Variants in MORN1 observed in about 807,000 individuals in gnomAD.
MORN1 encodes the protein MORN repeat containing 1.
In MORN1, 67 loss-of-function variants were observed where a neutral mutation model predicts 61.9. The observed-to-expected ratio is 1.08, with a 90% confidence interval of 0.89 to 1.33. MORN1 has a LOEUF of 1.33. Among genes scored for constraint, MORN1 ranks in the 40% most tolerant of loss-of-function variants. The pLI is 0.00. For synonymous variants in MORN1, 301 were observed against 292.0 expected (o/e 1.03, Z -0.31); for missense variants, 752 against 691.2 (o/e 1.09, Z -0.99).
chr1:2,336,344 A>T, intron 12 of MORN1, 125 bp downstream of exon 12: 1 of 921,512 alleles, frequency 1.1e-6, no homozygotes, highest in Non-Finnish European at 1.6e-6. Flanking sequence ...AGGCCCGTGT[A>T]GGCTCACTGT....
intron 2 of MORN1, 127 bp from the exon 3 acceptor site, chr1:2,388,464 C>T (rs1181903473): frequency 2.8e-6 from 2 of 716,304 alleles, no homozygotes; most frequent in East Asian, 2.5e-5. Flanking sequence ...GGCTCCATCA[C>T]TCATGCTATA....
chr1:2,324,216 C>G (rs1261987422), intron 12 of MORN1, 73 bp from the exon 13 acceptor site: 1 of 1,479,376 alleles, frequency 6.8e-7, no homozygotes, highest in African/African-American at 1.4e-5. Flanking sequence ...CTGACCTGAA[C>G]CAGGGCTAGT....
rs1431733870 is a variant in MORN1 at position 2,388,250 on chromosome 1, C to G, written c.236G>C (p.Trp79Ser). ...CAGCTAGAGCTCACCTGACCAGGCCCAGTGCCGGCGGCCTTCTCCCGTGAT... is the reference window on the plus strand; with the variant it reads ...CAGCTAGAGCTCACCTGACCAGGCCGAGTGCCGGCGGCCTTCTCCCGTGAT... ...GEITGEGRRH[W>S]AWSGDTFSGQ... The change falls in exon 3 of 14, where the codon TGG becomes TCG. Residue 79 changes from tryptophan to serine, a missense_variant. Coordinates refer to ENST00000378531, the MANE Select transcript of MORN1 (RefSeq NM_024848.3). The G allele has an allele frequency of 3.7e-6, 6 of 1,613,696 alleles. No homozygotes were observed. Among genetic ancestry groups the G allele is most frequent in the Non-Finnish European group, 5.1e-6 (6 of 1,179,840 alleles).
intron 7 of MORN1, among the ~76,000 whole-genome samples, chr1:2,373,295 G>A (rs112908384): frequency 6.6e-5 from 10 of 152,222 alleles, no homozygotes; most frequent in Admixed American, 2.6e-4. Context: ...CGGGTGCCCC[G>A]GACTTCATGG....
At chr1:2,332,849 G>A in intron 12 of MORN1, 1 of 400,430 alleles carries the variant, frequency 2.5e-6, no homozygotes, top group South Asian at 1.8e-5. Context: ...GGTCTCAGAG[G>A]GGCCCCCAGG....
chr1:2,380,121 G>A (rs576090329), intron 6 of MORN1, among the ~76,000 whole-genome samples: 86 of 152,298 alleles, frequency 5.6e-4, no homozygotes, highest in African/African-American at 1.6e-3. Context: ...ACACCGCGCC[G>A]GGTGAAACAA....
chr1:2,388,775 C>CAAAAAAAAAAAAAA (rs57362688), intron 2 of MORN1, among the ~76,000 whole-genome samples: 1 of 64,570 alleles, frequency 1.5e-5, no homozygotes, highest in African/African-American at 7.8e-5. Flanking sequence ...AAGACTGTCT[C>CAAAAAAAAAAAAAA]AAAAAAAAAA....
chr1:2,324,981 C>G (rs139194286), intron 12 of MORN1, among the ~76,000 whole-genome samples: 1 of 130,476 alleles, frequency 7.7e-6, no homozygotes, highest in Admixed American at 7.5e-5. Context: ...AAGCTGGGCC[C>G]GGCAGGTGCC....
chr1:2,339,059 C>G (rs1325237575), intron 10 of MORN1, among the ~76,000 whole-genome samples: 1 of 152,214 alleles, frequency 6.6e-6, no homozygotes, highest in Non-Finnish European at 1.5e-5. Flanking sequence ...GAGGTGCAGG[C>G]AGAAGCTCTC....
At position 2,325,802 on chromosome 1, in the gene MORN1, T is replaced by G. The variant is rs116449871; in HGVS notation, c.1251-1659A>C. On this transcript the variant is annotated intron_variant, in intron 12 of 13. Transcript: ENST00000378531. ...ATGCTCAGCTACTTTTTAAATTTTT[T>G]TGTGTGGGGATGGGGTCTCACTATG... 6.8e-3 allele frequency among the ~76,000 whole-genome samples: 1,003 copies of G among 148,204 alleles called. 14 individuals are homozygous for G. The highest frequency in any genetic ancestry group is 0.023 in the African/African-American group (923 of 39,888).
intron 6 of MORN1, chr1:2,376,152 AG>A (rs1642229092): frequency 6.5e-6 from 1 of 152,868 alleles, no homozygotes. Flanking sequence ...GCATCCACAG[AG>A]CACCTCCCCT....
At chr1:2,386,145 C>T in intron 4 of MORN1, 1 of 516,600 alleles carries the variant, frequency 1.9e-6, no homozygotes, top group Non-Finnish European at 3.5e-6. Context: ...GCTGACAGGG[C>T]AGCAAAAATG....
intron 10 of MORN1, among the ~76,000 whole-genome samples, chr1:2,356,554 C>T (rs1033783088): frequency 2.0e-5 from 3 of 152,198 alleles, no homozygotes; most frequent in Non-Finnish European, 4.4e-5. Context: ...GGCCCCCAAA[C>T]TCAAAGTGCC....
At chr1:2,367,909 G>A (rs1043319380) in intron 8 of MORN1, among the ~76,000 whole-genome samples, 6 of 152,128 alleles carry the variant, frequency 3.9e-5, no homozygotes, top group Non-Finnish European at 5.9e-5. Context: ...GATTACAGGC[G>A]TGAGCCACCG....
rs1553211058 is a variant in MORN1 at position 2,342,867 on chromosome 1, A to ATTTATTTTAT, written c.1037-6027_1037-6018dup. On this transcript the variant is annotated intron_variant, in intron 10 of 13. Coordinates refer to ENST00000378531, the MANE Select transcript of MORN1 (RefSeq NM_024848.3). Reference sequence around the variant, plus strand: ...ATTTTATTTTATTTTATTTTATTTTATTTATTTTATTTTATTTTATTTTAT... The same window carrying ATTTATTTTAT: ...ATTTTATTTTATTTTATTTTATTTTATTTATTTTATTTTATTTTATTTTATTTTATTTTAT... Among the ~76,000 whole-genome samples the ATTTATTTTAT allele has an allele frequency of 2.5e-3, 252 of 101,112 alleles. 1 individual carries two copies. The East Asian group carries it at 0.025, about 10-fold the overall frequency. The allele number at this position is 101,112 out of a possible 152,430, so 66.3% of individuals were successfully genotyped here. A position where few individuals can be genotyped will look rare whatever the true frequency, so the allele number is the denominator to read the frequency against.
intron 10 of MORN1, chr1:2,355,306 C>T: frequency 6.8e-7 from 1 of 1,469,894 alleles, no homozygotes; most frequent in South Asian, 1.4e-5. Flanking sequence ...TGGCCTGAGG[C>T]TTGGCCGCCT....
intron 4 of MORN1, 161 bp downstream of exon 4, chr1:2,387,258 G>T: frequency 1.5e-6 from 1 of 652,358 alleles, no homozygotes. Context: ...CATAGGACAT[G>T]GCCTGGTGGT....
At chr1:2,364,279 AAC>A (rs2100320718) in intron 8 of MORN1, among the ~76,000 whole-genome samples, 1 of 152,332 alleles carries the variant, frequency 6.6e-6, no homozygotes. Flanking sequence ...TGCCCCCAAT[AAC>A]AGAGCCCCAA....
In MORN1 at chr1:2,346,733, C is replaced by T. The variant is rs529004739; in HGVS notation, c.1037-9883G>A. Among the ~76,000 whole-genome samples the T allele has an allele frequency of 3.3e-5, 5 of 152,330 alleles. No homozygotes were observed. The East Asian group carries it at 7.7e-4, about 24-fold the overall frequency. ...GACAAAAAAGCACCCCCTTCTCCTT[C>T]CCCCATCTCGACCTAAGAAGGGTGT... On this transcript the variant is annotated intron_variant, in intron 10 of 13. Coordinates refer to ENST00000378531, the MANE Select transcript of MORN1 (RefSeq NM_024848.3).
Sources: gnomAD v4.1 joint callset for allele counts (sites outside exome capture counted in the v4.1 genomes callset) on GRCh38, gnomAD v4.1.1 for gene constraint, MANE v1.5 for transcripts, NCBI Gene and HGNC (gene_info 2026-07-23, HGNC 2026-07-21) for gene names.